Variants in ATG12 observed in about 807,000 individuals in gnomAD.
ATG12 encodes ubiquitin-like protein ATG12.
ATG12 carries 19 observed loss-of-function variants against 17.6 expected under a neutral mutation model. That is an observed-to-expected ratio of 1.08 (90% confidence interval 0.75 to 1.58). The LOEUF is 1.58. Among genes scored for constraint, ATG12 ranks in the 40% most tolerant of loss-of-function variants. The pLI, the probability that ATG12 is intolerant of heterozygous loss-of-function variation, is 0.00. For synonymous variants in ATG12, 75 were observed against 62.4 expected, an observed-to-expected ratio of 1.20 and a Z score of -0.95; for missense variants, 214 against 162.0, an observed-to-expected ratio of 1.32 and a Z score of -1.74.
intron 1 of ATG12, chr5:115,841,138 CA>C: frequency 5.0e-6 from 2 of 396,718 alleles, no homozygotes; most frequent in East Asian, 7.3e-5. Context: ...CTGGCCAACT[CA>C]AAAAAATACA....
At position 115,831,575 on chromosome 5, in the gene ATG12, T is replaced by C. The variant is rs1194706175; in HGVS notation, c.*229A>G. 5.2e-6 allele frequency: 3 copies of C among 576,440 alleles called. No individual in the cohort carries two copies. Among genetic ancestry groups the C allele is most frequent in the East Asian group, 2.9e-5 (1 of 34,112 alleles). 35.7% of individuals were successfully genotyped at this position (576,440 alleles called of 1,614,324 possible). A position where few individuals can be genotyped will look rare whatever the true frequency, so the allele number is the denominator to read the frequency against. On this transcript the variant is annotated 3_prime_UTR_variant, in exon 4 of 4. Coordinates refer to ENST00000509910, the MANE Select transcript of ATG12 (RefSeq NM_004707.4). The stretch of plus-strand genomic sequence containing the variant: ...CAATAATAGTAACAAGTAGGAGCAA[T>C]GGGTGTACTATCATGACCATCTTTT...
intron 1 of ATG12, chr5:115,840,967 G>C (rs945442162): frequency 9.4e-7 from 1 of 1,058,616 alleles, no homozygotes; most frequent in Non-Finnish European, 1.3e-6. Context: ...AGCGAGTTAA[G>C]TTGGAAGGCA....
rs983458217 is a variant in ATG12, at chr5:115,830,789, T to A, written c.*1015A>T. ...ACCTCAGCCTTCCAAAGTGCTGGGA[T>A]TACAGGTGTAAGCCACCATGCCTGA... On this transcript the variant is annotated 3_prime_UTR_variant, in exon 4 of 4. Coordinates refer to ENST00000509910, the MANE Select transcript of ATG12 (RefSeq NM_004707.4). 2 of 152,166 alleles carry A rather than the reference T, an allele frequency of 1.3e-5. No individual in the cohort carries two copies. The highest frequency in any genetic ancestry group is 2.9e-5 in the Non-Finnish European group (2 of 68,036). 9.4% of individuals were successfully genotyped at this position (152,166 alleles called of 1,614,324 possible). A position where few individuals can be genotyped will look rare whatever the true frequency, so the allele number is the denominator to read the frequency against.
chr5:115,831,777 T>G lies in ATG12; in HGVS notation c.*27A>C. On this transcript the variant is annotated 3_prime_UTR_variant, in exon 4 of 4. Coordinates refer to ENST00000509910, the MANE Select transcript of ATG12 (RefSeq NM_004707.4). ...CTCTTCCGTGAAAATCCATTTCATG[T>G]AGTAGCAAGTTGATTTTCTTTGTGG... is the stretch of plus-strand genomic sequence containing the variant. 6.2e-7 allele frequency: 1 copy of G among 1,607,338 alleles called. No individual in the cohort carries two copies.
intron 2 of ATG12, among the ~76,000 whole-genome samples, chr5:115,836,528 C>T (rs1348111159): frequency 6.6e-6 from 1 of 152,148 alleles, no homozygotes; most frequent in Non-Finnish European, 1.5e-5. Context: ...ACTCTTAGAT[C>T]AGAGTCAGTT....
chr5:115,840,998 G>A (rs1761408536), intron 1 of ATG12: 8 of 735,670 alleles, frequency 1.1e-5, no homozygotes, highest in Non-Finnish European at 8.2e-6. Context: ...TCCAGGCTTT[G>A]CCAATGACCA....
intron 1 of ATG12, chr5:115,839,022 C>G (rs1411809371): frequency 6.6e-6 from 1 of 150,728 alleles, no homozygotes; most frequent in Non-Finnish European, 1.5e-5. Context: ...ACTTGGGAGG[C>G]TGAGACAGGG....
chr5:115,833,417 A>G (rs1421858979), intron 2 of ATG12: 1 of 152,138 alleles, frequency 6.6e-6, no homozygotes, highest in East Asian at 1.9e-4. Flanking sequence ...GTTGACAGAT[A>G]CTATTTTGAT....
chr5:115,829,620 A>G lies in ATG12; in HGVS notation c.*2184T>C, dbSNP rs1760781761. On this transcript the variant is annotated 3_prime_UTR_variant, in exon 4 of 4. Coordinates refer to ENST00000509910, the MANE Select transcript of ATG12 (RefSeq NM_004707.4). The stretch of plus-strand genomic sequence containing the variant: ...CTATTTAGTCACAAAGAAAATTTAA[A>G]ATATCACCTGAATGTTCAGTTTTTC... The G allele has an allele frequency of 6.6e-6, 1 of 152,192 alleles. No homozygotes were observed. Among genetic ancestry groups the G allele is most frequent in the African/African-American group, 2.4e-5 (1 of 41,440 alleles). The allele number at this position is 152,192 out of a possible 1,614,324, so 9.4% of individuals were successfully genotyped here. A position where few individuals can be genotyped will look rare whatever the true frequency, so the allele number is the denominator to read the frequency against.
At chr5:115,840,467 T>G in intron 1 of ATG12, 1 of 416,734 alleles carries the variant, frequency 2.4e-6, no homozygotes, top group Non-Finnish European at 3.9e-6. Flanking sequence ...CCATCTAACT[T>G]TTATATTTTT....
rs112236182 is a variant in ATG12, at chr5:115,840,759, A to C, written c.163+631T>G. On this transcript the variant is annotated intron_variant, in intron 1 of 3. Transcript: ENST00000509910. The stretch of plus-strand genomic sequence containing the variant: ...TTTTAGCAATCTCTTTTACAAAGGG[A>C]AACATTCTCAAGCAATAAAGGGTTG... 4.2e-5 allele frequency: 49 copies of C among 1,179,530 alleles called. 1 individual carries two copies. The highest frequency in any genetic ancestry group is 5.2e-5 in the Non-Finnish European group (48 of 930,666). 73.1% of individuals were successfully genotyped at this position (1,179,530 alleles called of 1,614,324 possible).
At chr5:115,834,885 T>A (rs1043676807) in intron 2 of ATG12, 1 of 152,234 alleles carries the variant, frequency 6.6e-6, no homozygotes, top group South Asian at 2.1e-4. Context: ...GTACTTCAGA[T>A]GTTTTTTCAA....
intron 2 of ATG12, among the ~76,000 whole-genome samples, chr5:115,836,992 T>C (rs1270642176): frequency 5.3e-5 from 8 of 151,932 alleles, no homozygotes; most frequent in Non-Finnish European, 1.5e-5. Context: ...TCAAGAAAAA[T>C]AGGAAAAAAG....
intron 1 of ATG12, among the ~76,000 whole-genome samples, chr5:115,840,045 A>G (rs899579600): frequency 2.0e-5 from 3 of 152,216 alleles, no homozygotes; most frequent in Admixed American, 2.0e-4. Flanking sequence ...TTTGACTAAG[A>G]CTGTTAGACC....
rs1026477928 is a variant in ATG12, at chr5:115,828,647, G to T, written c.*3157C>A. On this transcript the variant is annotated 3_prime_UTR_variant, in exon 4 of 4. Coordinates refer to ENST00000509910, the MANE Select transcript of ATG12 (RefSeq NM_004707.4). Reference sequence around the variant, plus strand: ...TTGCAAATATTTTCCATTACCTTCTGCTGTACAAAAACTTAAACTATACAA... The same window carrying T: ...TTGCAAATATTTTCCATTACCTTCTTCTGTACAAAAACTTAAACTATACAA... 6.6e-6 allele frequency: 1 copy of T among 152,078 alleles called. No individual in the cohort carries two copies. The highest frequency in any genetic ancestry group is 1.5e-5 in the Non-Finnish European group (1 of 67,966). The allele number at this position is 152,078 out of a possible 1,614,324, so 9.4% of individuals were successfully genotyped here.
At chr5:115,840,390 C>G (rs1250682736) in intron 1 of ATG12, 1 of 193,352 alleles carries the variant, frequency 5.2e-6, no homozygotes, top group Non-Finnish European at 1.1e-5. Flanking sequence ...CTCCGCCTCG[C>G]GGGTTCAAGC....
Position 115,829,915 on chromosome 5 carries a change from G to C in ATG12, c.*1889C>G, listed in dbSNP as rs993329485. 6 of 152,230 alleles carry C rather than the reference G, an allele frequency of 3.9e-5. No homozygotes were observed. The highest frequency in any genetic ancestry group is 1.4e-4 in the African/African-American group (6 of 41,518). The allele number at this position is 152,230 out of a possible 1,614,324, so 9.4% of individuals were successfully genotyped here. On this transcript the variant is annotated 3_prime_UTR_variant, in exon 4 of 4. Transcript: ENST00000509910. ...CACCTGAGGTCAGTCAGGAGTTTGA[G>C]ACCAGCCTGGCCAAAATGGTAAAAC...
At chr5:115,838,815 G>A (rs114103009) in intron 1 of ATG12, 129 of 152,340 alleles carry the variant, frequency 8.5e-4, no homozygotes, top group African/African-American at 2.9e-3. Flanking sequence ...CTGGCTGGGC[G>A]CGGTGGCTCA....
rs571252520 is a variant in ATG12 at position 115,831,602 on chromosome 5, T to C, written c.*202A>G. 42 of 616,496 alleles carry C rather than the reference T, an allele frequency of 6.8e-5. No homozygotes were observed. In the East Asian group the frequency reaches 1.2e-3, roughly 17 times the overall value. 38.2% of individuals were successfully genotyped at this position (616,496 alleles called of 1,614,324 possible). On this transcript the variant is annotated 3_prime_UTR_variant, in exon 4 of 4. Coordinates refer to ENST00000509910, the MANE Select transcript of ATG12 (RefSeq NM_004707.4). ...GGTGTACTATCATGACCATCTTTTA[T>C]GATGACTGGTGCATTAATACAAATC...
Sources: allele counts gnomAD v4.1 joint callset (sites outside exome capture counted in the v4.1 genomes callset), GRCh38; gene constraint gnomAD v4.1.1; transcripts MANE v1.5; gene names NCBI Gene and HGNC (gene_info 2026-07-23, HGNC 2026-07-21).